FAT3: variants seen among roughly 807,000 people sequenced by gnomAD.
FAT3 encodes FAT atypical cadherin 3, also known as protocadherin Fat 3.
In FAT3, 95 loss-of-function variants were observed where a neutral mutation model predicts 310.2. The observed-to-expected ratio is 0.31, with a 90% CI of 0.26 to 0.36. FAT3 has a LOEUF of 0.36. FAT3 is among the 10% of genes least tolerant of loss of function. FAT3 has a pLI of 1.00. For missense variants in FAT3, 5,408 were observed against 5,715.6 expected, an observed-to-expected ratio of 0.95 and a Z score of 1.74; for synonymous variants, 2,314 against 2,192.9, an observed-to-expected ratio of 1.06 and a Z score of -1.54.
In FAT3 at chr11:92,352,459, T is replaced by C. The variant is rs369880875; in HGVS notation, c.347T>C (p.Ile116Thr). The change falls in exon 2 of 28, where the codon ATA becomes ACA. Residue 116 changes from isoleucine to threonine, a missense_variant. This residue lies in a region of FAT3 where 152 missense variants were observed against 188.3 expected (regional missense o/e 0.81). Transcript: ENST00000525166. Reference sequence around the variant, plus strand: ...AGAACTAAAGGTGGCAATTCTGCCATATTAAATAGGGAAATCCAGGATAAT... The same window carrying C: ...AGAACTAAAGGTGGCAATTCTGCCACATTAAATAGGGAAATCCAGGATAAT... Reference protein sequence around the residue: ...RIRTKGGNSAILNREIQDNYL... With the variant: ...RIRTKGGNSATLNREIQDNYL... 5.6e-6 allele frequency: 9 copies of C among 1,612,522 alleles called. No homozygotes were observed. The African/African-American group carries it at 9.3e-5, about 17-fold the overall frequency.
intron 22 of FAT3, among the ~76,000 whole-genome samples, chr11:92,867,718 C>T (rs1241684090): frequency 2.0e-5 from 3 of 152,108 alleles, no homozygotes; most frequent in African/African-American, 7.2e-5. Flanking sequence ...AATAGGAGAT[C>T]TTGGAACATA....
At chr11:92,571,612 G>A (rs914571268) in intron 3 of FAT3, among the ~76,000 whole-genome samples, 1 of 152,140 alleles carries the variant, frequency 6.6e-6, no homozygotes, top group African/African-American at 2.4e-5. Flanking sequence ...TAAAATTTGG[G>A]TATGTGATTC....
At chr11:92,255,795 A>C (rs1865294472) in intron 1 of FAT3, among the ~76,000 whole-genome samples, 1 of 152,136 alleles carries the variant, frequency 6.6e-6, no homozygotes, top group African/African-American at 2.4e-5. Flanking sequence ...GGTCTATATG[A>C]ATGAACCTGC....
chr11:92,617,879 TGTCA>T (rs1423651817), intron 3 of FAT3, among the ~76,000 whole-genome samples: 1 of 152,148 alleles, frequency 6.6e-6, no homozygotes, highest in Non-Finnish European at 1.5e-5. Context: ...CTCTATGAGG[TGTCA>T]GTCAGCCCCT....
intron 1 of FAT3, among the ~76,000 whole-genome samples, chr11:92,264,081 A>G (rs897016937): frequency 6.6e-6 from 1 of 152,114 alleles, no homozygotes; most frequent in Non-Finnish European, 1.5e-5. Flanking sequence ...TGCCAACCCC[A>G]TCGTCTCACA....
At chr11:92,587,978 C>T (rs894227517) in intron 3 of FAT3, among the ~76,000 whole-genome samples, 1 of 151,896 alleles carries the variant, frequency 6.6e-6, no homozygotes, top group African/African-American at 2.4e-5. Flanking sequence ...TGATAATAAC[C>T]CTCCATTTTA....
Position 92,894,425 on chromosome 11 carries a change from A to G in FAT3, c.*3312A>G, listed in dbSNP as rs921265711. ...TACTCTTTGTCCTACCCCCTCCACCATGATGAACCATGTGGAAACTATTTA... is the reference window on the plus strand; with the variant it reads ...TACTCTTTGTCCTACCCCCTCCACCGTGATGAACCATGTGGAAACTATTTA... On this transcript the variant is annotated 3_prime_UTR_variant, in exon 28 of 28. Coordinates refer to ENST00000525166, the MANE Select transcript of FAT3 (RefSeq NM_001367949.2). The G allele has an allele frequency of 6.6e-6, 1 of 152,166 alleles. No homozygotes were observed. Among genetic ancestry groups the G allele is most frequent in the Admixed American group, 6.5e-5 (1 of 15,278 alleles). 9.4% of individuals were successfully genotyped at this position (152,166 alleles called of 1,614,324 possible). A position where few individuals can be genotyped will look rare whatever the true frequency, so the allele number is the denominator to read the frequency against.
At chr11:92,537,334 C>A (rs747833207) in intron 3 of FAT3, among the ~76,000 whole-genome samples, 6 of 152,074 alleles carry the variant, frequency 3.9e-5, no homozygotes. Flanking sequence ...TGGAGAAGAG[C>A]TGAACATGAG....
chr11:92,323,005 C>T (rs900132774), intron 1 of FAT3, among the ~76,000 whole-genome samples: 1 of 151,884 alleles, frequency 6.6e-6, no homozygotes, highest in Non-Finnish European at 1.5e-5. Context: ...ATTTACTTTA[C>T]CAGATTCATC....
intron 2 of FAT3, among the ~76,000 whole-genome samples, chr11:92,509,619 T>C (rs779973006): frequency 6.6e-6 from 1 of 152,162 alleles, no homozygotes; most frequent in Non-Finnish European, 1.5e-5. Context: ...TAGTGTGTTA[T>C]TGGACTAGTG....
chr11:92,716,368 A>G (rs1944687634), intron 4 of FAT3, among the ~76,000 whole-genome samples: 1 of 152,058 alleles, frequency 6.6e-6, no homozygotes, highest in South Asian at 2.1e-4. Context: ...CTAGCAACTG[A>G]CTGCCTAATT....
At chr11:92,636,671 C>G (rs1192495895) in intron 3 of FAT3, among the ~76,000 whole-genome samples, 1 of 152,162 alleles carries the variant, frequency 6.6e-6, no homozygotes, top group Non-Finnish European at 1.5e-5. Context: ...TATTGAGTAG[C>G]ACAGTTTGGA....
intron 1 of FAT3, among the ~76,000 whole-genome samples, chr11:92,231,623 G>T (rs1864184027): frequency 6.6e-6 from 1 of 152,040 alleles, no homozygotes; most frequent in South Asian, 2.1e-4. Flanking sequence ...TACCATGGAA[G>T]GTCAAAAAGT....
chr11:92,544,884 G>T (rs958564152), intron 3 of FAT3, among the ~76,000 whole-genome samples: 2 of 152,170 alleles, frequency 1.3e-5, no homozygotes, highest in African/African-American at 4.8e-5. Context: ...ACTTATGTGT[G>T]CCAGACCCTG....
intron 2 of FAT3, among the ~76,000 whole-genome samples, chr11:92,361,450 C>T (rs1369893861): frequency 6.6e-6 from 1 of 150,488 alleles, no homozygotes; most frequent in African/African-American, 2.4e-5. Flanking sequence ...GATTGAATCA[C>T]GAAGATTCCA....
rs561472143 is a variant in FAT3 at position 92,354,916 on chromosome 11, C to A, written c.2804C>A (p.Ala935Asp). 3 of 1,613,910 alleles carry A rather than the reference C, an allele frequency of 1.9e-6. No homozygotes were observed. In the African/African-American group the frequency reaches 4.0e-5, roughly 22 times the overall value. Residue 935 changes from alanine (A) to aspartate (D), a missense_variant, in exon 2 of 28, where the codon GCT becomes GAT. By Grantham distance (126) the Ala-to-Asp change is moderately radical. This residue lies in a region of FAT3 where 4,588 missense variants were observed against 4,809.8 expected (regional missense o/e 0.95). Transcript: ENST00000525166. ...FLDDVNDCSP[A>D]FIPSSYSVKV... ...GATGATGTCAATGACTGCTCCCCAGCTTTCATTCCCAGTAGCTATAGTGTG... is the reference window on the plus strand; with the variant it reads ...GATGATGTCAATGACTGCTCCCCAGATTTCATTCCCAGTAGCTATAGTGTG...
chr11:92,365,688 A>G (rs1044947985), intron 2 of FAT3, among the ~76,000 whole-genome samples: 37 of 152,364 alleles, frequency 2.4e-4, no homozygotes, highest in African/African-American at 8.7e-4. Flanking sequence ...AATATGATTC[A>G]GAAGTCAGTC....
chr11:92,654,223 A>C (rs1942490656), intron 3 of FAT3, among the ~76,000 whole-genome samples: 1 of 152,152 alleles, frequency 6.6e-6, no homozygotes, highest in Non-Finnish European at 1.5e-5. Context: ...TTTCCCATTA[A>C]TTCTTTTCAG....
In FAT3 at chr11:92,892,225, T is replaced by C. The variant is rs1949930676; in HGVS notation, c.*1112T>C. The C allele has an allele frequency of 6.6e-6, 1 of 152,180 alleles. No homozygotes were observed. Among genetic ancestry groups the C allele is most frequent in the South Asian group, 2.1e-4 (1 of 4,828 alleles). 9.4% of individuals were successfully genotyped at this position (152,180 alleles called of 1,614,324 possible). A position where few individuals can be genotyped will look rare whatever the true frequency, so the allele number is the denominator to read the frequency against. ...TGTACAAATATGTGCTTGCACTCAG[T>C]AAGGCTGCTCTTGAGGAAAGCTAAT... On this transcript the variant is annotated 3_prime_UTR_variant, in exon 28 of 28. Coordinates refer to ENST00000525166, the MANE Select transcript of FAT3 (RefSeq NM_001367949.2).
Sources: gnomAD v4.1 joint callset for allele counts (sites outside exome capture counted in the v4.1 genomes callset) on GRCh38, gnomAD v4.1.1 for gene constraint, gnomAD v4.1.1 regional missense constraint, MANE v1.5 for transcripts, NCBI Gene and HGNC (gene_info 2026-07-23, HGNC 2026-07-21) for gene names.